ZFHX3: variants seen among roughly 807,000 people sequenced by gnomAD.
ZFHX3 encodes zinc finger homeobox protein 3.
ZFHX3 carries 42 observed loss-of-function variants against 279.1 expected under a neutral mutation model. The ratio of observed to expected loss-of-function variants is 0.15; its 90% confidence interval spans 0.12 to 0.19. The LOEUF (loss-of-function observed/expected upper bound fraction) is 0.19. ZFHX3 is among the 10% of genes least tolerant of loss of function. The pLI, the probability that ZFHX3 is intolerant of heterozygous loss-of-function variation, is 1.00. For synonymous variants in ZFHX3, 2,293 were observed against 1,957.8 expected (o/e 1.17, Z -4.52); for missense variants, 4,981 against 4,754.0 (o/e 1.05, Z -1.40).
intron 1 of ZFHX3, among the ~76,000 whole-genome samples, chr16:73,804,884 C>CA (rs1258361889): frequency 8.7e-5 from 11 of 125,866 alleles, no homozygotes; most frequent in African/African-American, 4.0e-4. Flanking sequence ...CACACACACA[C>CA]CCACACCAAA....
At chr16:73,615,496 C>T (rs1170351938) in intron 2 of ZFHX3, among the ~76,000 whole-genome samples, 1 of 152,210 alleles carries the variant, frequency 6.6e-6, no homozygotes, top group African/African-American at 2.4e-5. Context: ...AATCTATAAA[C>T]TAGCAAAATC....
intron 4 of ZFHX3, among the ~76,000 whole-genome samples, chr16:73,257,603 T>C (rs1448087650): frequency 2.6e-5 from 4 of 152,192 alleles, no homozygotes; most frequent in Admixed American, 6.5e-5. Flanking sequence ...TTTGTACTCA[T>C]TGATGGGTTG....
In ZFHX3 at chr16:72,797,911, G is replaced by C; in HGVS notation, c.4771C>G (p.Pro1591Ala). Residue 1591 changes from proline to alanine, a missense_variant, in exon 9 of 10, where the codon CCA (proline) becomes GCA (alanine). Coordinates refer to ENST00000268489, the MANE Select transcript of ZFHX3 (RefSeq NM_006885.4). The stretch of plus-strand genomic sequence containing the variant: ...TTACACTTAAAAGGTTTGTTGTCTG[G>C]GCTGCTGGTGGGTTCTGGCTGACCG... The part of the protein sequence containing the change: ...ATGQPEPTSS[P>A]DNKPFKCNTC... The C allele has an allele frequency of 6.2e-7, 1 of 1,614,186 alleles. No individual in the cohort carries two copies. Among genetic ancestry groups the C allele is most frequent in the Non-Finnish European group, 8.5e-7 (1 of 1,180,032 alleles).
intron 1 of ZFHX3, among the ~76,000 whole-genome samples, chr16:73,716,500 T>G (rs1484005864): frequency 6.6e-6 from 1 of 152,054 alleles, no homozygotes; most frequent in Non-Finnish European, 1.5e-5. Context: ...TTTCTAGGGT[T>G]TCTAGGACTC....
At chr16:73,575,969 A>C (rs1321854215) in intron 2 of ZFHX3, among the ~76,000 whole-genome samples, 1 of 152,134 alleles carries the variant, frequency 6.6e-6, no homozygotes, top group Non-Finnish European at 1.5e-5. Flanking sequence ...GATTTTCAGG[A>C]TGAATGGAAG....
rs1018064618 is a variant in ZFHX3, at chr16:73,789,116, T to C, written c.-1608+102535A>G. Among the ~76,000 whole-genome samples, 20 of 151,494 alleles carry C rather than the reference T, an allele frequency of 1.3e-4. No homozygotes were observed. In the Middle Eastern group the frequency reaches 0.01, roughly 79 times the overall value. ...CATATACAGATATCTTGTAGATATA[T>C]ATGATATCTATATGATAGATATCTA... On this transcript the variant is annotated intron_variant, in intron 1 of 17. Coordinates refer to the ZFHX3 transcript ENST00000641206.
At position 72,958,226 on chromosome 16, in the gene ZFHX3, C is replaced by T; in HGVS notation, c.1920G>A (p.Val640=). 1 of 1,612,556 alleles carries T rather than the reference C, an allele frequency of 6.2e-7. No individual in the cohort carries two copies. ...GGACCGTGTCGCATTTGGGGCACTC[C>T]ACGCCACTCCCCGAGGGGCACTCCC... is the stretch of plus-strand genomic sequence containing the variant. ...GVGECPSGSG[V]ECPKCDTVLG... The change falls in exon 2 of 10, where the codon GTG becomes GTA. Residue 640 remains valine, a synonymous_variant. Transcript: ENST00000268489.
Position 72,787,278 on chromosome 16 carries a change from C to A in ZFHX3, c.10998G>T (p.Thr3666=). ...PTDDYSEESD[T]DLSQKSDGPA... ...GTCCGTCGGACTTTTGGCTGAGATC[C>A]GTGTCAGACTCCTCCGAATAGTCGT... The change falls in exon 10 of 10, where the codon ACG becomes ACT. Residue 3666 remains threonine (T), a synonymous_variant. Coordinates refer to ENST00000268489, the MANE Select transcript of ZFHX3 (RefSeq NM_006885.4). The A allele has an allele frequency of 1.2e-6, 2 of 1,614,020 alleles. No homozygotes were observed. The highest frequency in any genetic ancestry group is 1.7e-6 in the Non-Finnish European group (2 of 1,180,018).
In ZFHX3 at chr16:73,074,563, G is replaced by C. The variant is rs1965863469; in HGVS notation, c.-532-15551C>G. On this transcript the variant is annotated intron_variant, in intron 8 of 17. Transcript: ENST00000641206. ...TACTCAGTGCTGTACCCATGGGGAA[G>C]AGAGGATAATGAGAATGATAATGAC... Among the ~76,000 whole-genome samples the C allele has an allele frequency of 4.6e-5, 7 of 152,234 alleles. No homozygotes were observed. In the South Asian group the frequency reaches 1.4e-3, roughly 31 times the overall value.
intron 7 of ZFHX3, among the ~76,000 whole-genome samples, chr16:73,101,719 C>A (rs1966233769): frequency 6.7e-6 from 1 of 150,314 alleles, no homozygotes; most frequent in Non-Finnish European, 1.5e-5. Flanking sequence ...GGCATTTCTT[C>A]CAGATTGTAT....
chr16:72,990,370 G>C lies in ZFHX3; in HGVS notation c.-49-30176C>G, dbSNP rs567158649. On this transcript the variant is annotated intron_variant, in intron 1 of 9. Transcript: ENST00000268489. ...TGCTCTAAAGCCCATGTCTCAGGCT[G>C]CAAGAACGTTATCAGTCTCACACAT... Among the ~76,000 whole-genome samples, 30 of 152,314 alleles carry C rather than the reference G, an allele frequency of 2.0e-4. No individual in the cohort carries two copies. In the South Asian group the frequency reaches 6.0e-3, roughly 31 times the overall value.
Position 73,152,893 on chromosome 16 carries a change from G to T in ZFHX3, c.-1103-9062C>A, listed in dbSNP as rs555565097. ...CCGGGTAATCAAAGCCCTTCTAATC[G>T]CTGCAGCTCTGGAGATGTGTTCAAA... On this transcript the variant is annotated intron_variant, in intron 5 of 17. Coordinates refer to the ZFHX3 transcript ENST00000641206. 3.5e-3 allele frequency among the ~76,000 whole-genome samples: 536 copies of T among 152,104 alleles called. 3 individuals are homozygous for T. The highest frequency in any genetic ancestry group is 0.012 in the African/African-American group (495 of 41,478).
intron 3 of ZFHX3, among the ~76,000 whole-genome samples, chr16:72,945,661 T>C (rs1357734454): frequency 1.3e-5 from 2 of 151,958 alleles, no homozygotes; most frequent in Non-Finnish European, 2.9e-5. Flanking sequence ...AGTATGTACT[T>C]AAAACAAACA....
intron 2 of ZFHX3, among the ~76,000 whole-genome samples, chr16:73,678,651 G>A (rs1219694670): frequency 6.6e-6 from 1 of 151,994 alleles, no homozygotes; most frequent in Non-Finnish European, 1.5e-5. Context: ...GCAAGTGTCT[G>A]GATATGACTC....
At chr16:73,501,965 T>A (rs772189918) in intron 2 of ZFHX3, among the ~76,000 whole-genome samples, 19 of 152,200 alleles carry the variant, frequency 1.2e-4, no homozygotes, top group Middle Eastern at 3.4e-3. Context: ...TTATTTTTTT[T>A]AAAACAAAGC....
intron 1 of ZFHX3, among the ~76,000 whole-genome samples, chr16:73,771,236 A>G (rs1258098871): frequency 6.6e-6 from 1 of 152,152 alleles, no homozygotes; most frequent in Non-Finnish European, 1.5e-5. Context: ...TGCTTTGTCT[A>G]TGTGGATTCA....
chr16:73,552,308 G>T (rs2020214468), intron 2 of ZFHX3, among the ~76,000 whole-genome samples: 1 of 152,102 alleles, frequency 6.6e-6, no homozygotes. Flanking sequence ...GAGCCTAATG[G>T]AGAGAAATAC....
intron 2 of ZFHX3, among the ~76,000 whole-genome samples, chr16:73,660,282 G>A (rs970389189): frequency 4.6e-5 from 7 of 152,144 alleles, no homozygotes; most frequent in African/African-American, 1.2e-4. Flanking sequence ...TCTATGGAAC[G>A]CTTCTCTACT....
intron 2 of ZFHX3, among the ~76,000 whole-genome samples, chr16:73,480,725 A>T (rs1298702056): frequency 2.6e-5 from 4 of 152,158 alleles, no homozygotes; most frequent in Non-Finnish European, 5.9e-5. Context: ...CCTAAGCTTC[A>T]TGGGGAGATG....
Sources: gnomAD v4.1 joint callset for allele counts (sites outside exome capture counted in the v4.1 genomes callset) on GRCh38, gnomAD v4.1.1 for gene constraint, MANE v1.5 for transcripts, NCBI Gene and HGNC (gene_info 2026-07-23, HGNC 2026-07-21) for gene names.